The following KLF13 variants were observed in gnomAD, a reference collection of about 807,000 sequenced individuals.
KLF13 encodes the protein KLF transcription factor 13.
Under a neutral mutation model 16.7 loss-of-function variants are expected in KLF13, and 8 were observed. The observed-to-expected ratio is 0.48, with a 90% CI of 0.28 to 0.87. KLF13 has a LOEUF of 0.87. KLF13 is among the 40% of genes least tolerant of loss of function. KLF13 has a pLI of 0.10. For synonymous variants in KLF13, 245 were observed against 208.4 expected, an observed-to-expected ratio of 1.18 and a Z score of -1.51; for missense variants, 447 against 452.2, an observed-to-expected ratio of 0.99 and a Z score of 0.10.
chr15:31,404,518 C>G (rs2040087221), exon 3 of KLF13: 1 of 152,144 alleles, frequency 6.6e-6, no homozygotes, highest in Non-Finnish European at 1.5e-5. Flanking sequence ...AATCAGAACA[C>G]TGTAAAATGG....
At chr15:31,365,014 C>T (rs1032937048) in intron 1 of KLF13, among the ~76,000 whole-genome samples, 1 of 152,188 alleles carries the variant, frequency 6.6e-6, no homozygotes, top group African/African-American at 2.4e-5. Context: ...GCCATGCTGA[C>T]CTGCTCCAGA....
At chr15:31,426,783 A>G (rs1228633137) in intron 1 of KLF13, among the ~76,000 whole-genome samples, 1 of 152,168 alleles carries the variant, frequency 6.6e-6, no homozygotes, top group Non-Finnish European at 1.5e-5. Context: ...TCCAGAGGAG[A>G]TTGGTGTGCA....
At chr15:31,383,520 G>T (rs1471192181) in intron 1 of KLF13, among the ~76,000 whole-genome samples, 1 of 152,236 alleles carries the variant, frequency 6.6e-6, no homozygotes, top group Admixed American at 6.5e-5. Flanking sequence ...TGAGGACAGG[G>T]TCGCACTCAC....
intron 1 of KLF13, among the ~76,000 whole-genome samples, chr15:31,353,341 G>T (rs960631649): frequency 1.3e-5 from 2 of 152,134 alleles, no homozygotes; most frequent in Non-Finnish European, 2.9e-5. Context: ...TTCTGTAACC[G>T]TAGCTGCAGG....
Position 31,327,225 on chromosome 15 carries a change from G to T in KLF13, c.13G>T (p.Ala5Ser), listed in dbSNP as rs1390677741. 1 of 1,350,702 alleles carries T rather than the reference G, an allele frequency of 7.4e-7. No homozygotes were observed. The highest frequency in any genetic ancestry group is 3.3e-5 in the Admixed American group (1 of 30,222). The allele number at this position is 1,350,702 out of a possible 1,614,324, so 83.7% of individuals were successfully genotyped here. The change falls in exon 1 of 2, where the codon GCC becomes TCC. Residue 5 changes from alanine to serine, a missense_variant. Physicochemically the swap from Ala to Ser is moderately conservative, Grantham distance 99. This residue lies in a region of KLF13 where 359 missense variants were observed against 282.8 expected (regional missense o/e 1.27). Coordinates refer to ENST00000307145, the MANE Select transcript of KLF13 (RefSeq NM_015995.4). MAAAAYVDHFAAECL... is the reference protein window; with the variant it reads MAAASYVDHFAAECL... ...CCCAGCCCGCAGCATGGCAGCCGCC[G>T]CCTATGTGGACCACTTCGCCGCCGA...
chr15:31,423,905 G>C (rs1030279008), intron 1 of KLF13, among the ~76,000 whole-genome samples: 1 of 152,136 alleles, frequency 6.6e-6, no homozygotes, highest in Non-Finnish European at 1.5e-5. Flanking sequence ...ATACACTCTT[G>C]AACAACTAAT....
Position 31,376,544 on chromosome 15 carries a change from A to C in KLF13, c.*4245A>C, listed in dbSNP as rs1340475918. 1 of 152,596 alleles carries C rather than the reference A, an allele frequency of 6.6e-6. No individual in the cohort carries two copies. The highest frequency in any genetic ancestry group is 1.5e-5 in the Non-Finnish European group (1 of 68,042). The allele number at this position is 152,596 out of a possible 1,614,324, so 9.5% of individuals were successfully genotyped here. A position where few individuals can be genotyped will look rare whatever the true frequency, so the allele number is the denominator to read the frequency against. On this transcript the variant is annotated 3_prime_UTR_variant, in exon 2 of 2. Transcript: ENST00000307145. ...TGGGCTGATGGTTTTTGAAATCAGG[A>C]TTACCCCAGGAAGAACCAGGTCCTA...
intron 1 of KLF13, among the ~76,000 whole-genome samples, chr15:31,385,719 C>T (rs1338255671): frequency 6.6e-6 from 1 of 152,194 alleles, no homozygotes; most frequent in Non-Finnish European, 1.5e-5. Flanking sequence ...CTGTCTTTCT[C>T]CCTCTCCTCA....
intron 2 of KLF13, among the ~76,000 whole-genome samples, chr15:31,398,118 T>C (rs1297277314): frequency 8.5e-5 from 13 of 152,172 alleles, no homozygotes; most frequent in African/African-American, 2.4e-4. Context: ...ACCTGATCTC[T>C]CGGATAAGGC....
downstream of KLF13, among the ~76,000 whole-genome samples, chr15:31,409,613 A>G (rs1459456907): frequency 6.6e-6 from 1 of 152,168 alleles, no homozygotes; most frequent in East Asian, 1.9e-4. Flanking sequence ...AAAAACAAAG[A>G]AAAGACCCTG....
At chr15:31,363,959 G>A (rs1395553535) in intron 1 of KLF13, among the ~76,000 whole-genome samples, 6 of 152,192 alleles carry the variant, frequency 3.9e-5, no homozygotes, top group East Asian at 3.8e-4. Flanking sequence ...AGATGCTACC[G>A]AAGTGTCCTC....
At chr15:31,333,953 G>A (rs1032350202) in intron 1 of KLF13, among the ~76,000 whole-genome samples, 4 of 87,730 alleles carry the variant, frequency 4.6e-5, no homozygotes, top group African/African-American at 1.1e-4. Context: ...ATCGCCTCAT[G>A]GGGGGGGGAG....
At chr15:31,397,679 A>C (rs910149283) in intron 2 of KLF13, among the ~76,000 whole-genome samples, 2 of 152,046 alleles carry the variant, frequency 1.3e-5, no homozygotes, top group African/African-American at 4.8e-5. Flanking sequence ...TAAATGAGCT[A>C]CTCTTTGTAC....
rs2040043384 is a variant in KLF13, at chr15:31,401,946, GA to G, written n.530-1479del. 3.3e-5 allele frequency among the ~76,000 whole-genome samples: 5 copies of G among 152,230 alleles called. No individual in the cohort carries two copies. In the South Asian group the frequency reaches 1.0e-3, roughly 31 times the overall value. The stretch of plus-strand genomic sequence containing the variant: ...CTGCCTAGAGTCAAGAGGAAGAAAG[GA>G]AACCCCAACTCTCAGCAGAATTGCC... On this transcript the variant is annotated intron_variant and non_coding_transcript_variant, in intron 2 of 2. Coordinates refer to the KLF13 transcript ENST00000500533.
chr15:31,334,805 T>G (rs1366011200), intron 1 of KLF13, among the ~76,000 whole-genome samples: 1 of 152,168 alleles, frequency 6.6e-6, no homozygotes, highest in African/African-American at 2.4e-5. Context: ...AATAAACTTT[T>G]CTCCAGCTTG....
Position 31,357,655 on chromosome 15 carries a change from G to A in KLF13, c.578-14355G>A, listed in dbSNP as rs182842684. Among the ~76,000 whole-genome samples, 112 of 152,282 alleles carry A rather than the reference G, an allele frequency of 7.4e-4. 1 individual carries two copies. Among genetic ancestry groups the A allele is most frequent in the Admixed American group, 7.0e-3 (107 of 15,298 alleles). ...CCTACTCTGAGCTGGGTCTGGAGTC[G>A]TCAGTCCAGAGCTCCCTCCTGTGTA... On this transcript the variant is annotated intron_variant, in intron 1 of 1. Coordinates refer to ENST00000307145, the MANE Select transcript of KLF13 (RefSeq NM_015995.4).
At chr15:31,405,046 C>G (rs945379245), downstream of KLF13, among the ~76,000 whole-genome samples, 1 of 152,114 alleles carries the variant, frequency 6.6e-6, no homozygotes, top group Admixed American at 6.6e-5. Flanking sequence ...ACCATGTGCC[C>G]CTGAAACTCA....
chr15:31,350,357 C>T (rs2039197519), intron 1 of KLF13, among the ~76,000 whole-genome samples: 1 of 152,212 alleles, frequency 6.6e-6, no homozygotes, highest in Non-Finnish European at 1.5e-5. Context: ...CCTTAGCTCT[C>T]TTCTGCCAGG....
downstream of KLF13, among the ~76,000 whole-genome samples, chr15:31,378,830 C>G (rs2039689752): frequency 6.6e-6 from 1 of 152,216 alleles, no homozygotes; most frequent in South Asian, 2.1e-4. Context: ...AACGATTCTT[C>G]TGCCTCAGCT....
Sources: allele counts gnomAD v4.1 joint callset (sites outside exome capture counted in the v4.1 genomes callset), GRCh38; gene constraint gnomAD v4.1.1; regional missense constraint gnomAD v4.1.1; transcripts MANE v1.5; gene names NCBI Gene and HGNC (gene_info 2026-07-23, HGNC 2026-07-21).